Variants in SLC22A24 observed in about 807,000 individuals in gnomAD.
The protein encoded by SLC22A24 is steroid transmembrane transporter SLC22A24.
Under a neutral mutation model 49.8 loss-of-function variants are expected in SLC22A24, and 53 were observed. That is an observed-to-expected ratio of 1.06 (90% CI 0.85 to 1.34). SLC22A24 has a LOEUF of 1.34. Among genes scored for constraint, SLC22A24 ranks in the 40% most tolerant of loss-of-function variants. The probability of loss-of-function intolerance (pLI) is 0.00; values close to 1 mark genes in which losing one functional copy is unlikely to be tolerated. For missense variants in SLC22A24, 786 were observed against 675.9 expected, an observed-to-expected ratio of 1.16 and a Z score of -1.81; for synonymous variants, 302 against 256.4, an observed-to-expected ratio of 1.18 and a Z score of -1.70.
At chr11:63,102,786 A>T (rs1242095920) in intron 5 of SLC22A24, among the ~76,000 whole-genome samples, 2 of 152,094 alleles carry the variant, frequency 1.3e-5, no homozygotes. Context: ...ATGCCTTGAG[A>T]CCTAATCAAG....
intron 1 of SLC22A24, 34 bp from the exon 2 acceptor site, chr11:63,134,802 G>T: frequency 2.1e-6 from 3 of 1,447,148 alleles, no homozygotes; most frequent in South Asian, 2.4e-5. Context: ...AGCAGAGCTT[G>T]AGAAGAGTTT....
rs1279610633 is a variant in SLC22A24 at position 63,123,899 on chromosome 11, C to T, written c.507-4564G>A. 2.0e-5 allele frequency among the ~76,000 whole-genome samples: 3 copies of T among 152,138 alleles called. 1 individual carries two copies. The highest frequency in any genetic ancestry group is 4.1e-4 in the South Asian group (2 of 4,826). ...GCCTTTTAAATGGTCCTTGCTACTA[C>T]TCAGTGGAGGAGTAAGTCTTTAAAA... On this transcript the variant is annotated intron_variant, in intron 2 of 9. Transcript: ENST00000612278.
chr11:63,140,643 C>T (rs1291496877), intron 1 of SLC22A24, among the ~76,000 whole-genome samples: 1 of 152,046 alleles, frequency 6.6e-6, no homozygotes, highest in Non-Finnish European at 1.5e-5. Context: ...GGCTTCACCC[C>T]AGTACATAAT....
chr11:63,141,080 A>G (rs1217431502), intron 1 of SLC22A24, among the ~76,000 whole-genome samples: 4 of 152,226 alleles, frequency 2.6e-5, no homozygotes, highest in African/African-American at 7.2e-5. Context: ...GGGTTTTCTT[A>G]GAAAATTGAT....
intron 4 of SLC22A24, among the ~76,000 whole-genome samples, chr11:63,116,834 T>G (rs2155321): frequency 6.6e-6 from 1 of 152,164 alleles, no homozygotes; most frequent in Admixed American, 6.5e-5. Flanking sequence ...TTTACTGCTT[T>G]TTTTCTGCCT....
chr11:63,118,558 C>G lies in SLC22A24; in HGVS notation c.830+354G>C, dbSNP rs1590742873. The G allele has an allele frequency of 8.3e-6, 4 of 479,216 alleles. No individual in the cohort carries two copies. In the East Asian group the frequency reaches 1.3e-4, roughly 16 times the overall value. The allele number at this position is 479,216 out of a possible 1,614,324, so 29.7% of individuals were successfully genotyped here. ...ATGTAGATAAATTTATTGTGTTTTC[C>G]TTATATTCAATCTCAGTTACAATGA... On this transcript the variant is annotated intron_variant, in intron 4 of 9. Transcript: ENST00000612278.
At chr11:63,097,437 G>C (rs975791181) in intron 5 of SLC22A24, among the ~76,000 whole-genome samples, 1 of 152,190 alleles carries the variant, frequency 6.6e-6, no homozygotes, top group Non-Finnish European at 1.5e-5. Context: ...AGATGCTGGA[G>C]AGGATGTGGA....
intron 4 of SLC22A24, among the ~76,000 whole-genome samples, chr11:63,108,339 T>C (rs2087136478): frequency 6.6e-6 from 1 of 152,332 alleles, no homozygotes; most frequent in Non-Finnish European, 1.5e-5. Context: ...GTTTTGCCAG[T>C]ATTTTATTGA....
chr11:63,125,579 C>T (rs547783634), intron 2 of SLC22A24, among the ~76,000 whole-genome samples: 1 of 152,182 alleles, frequency 6.6e-6, no homozygotes, highest in African/African-American at 2.4e-5. Flanking sequence ...TGGGTTGGTT[C>T]CAAGTATTTG....
intron 2 of SLC22A24, among the ~76,000 whole-genome samples, chr11:63,121,120 C>T (rs1042847050): frequency 6.6e-6 from 1 of 151,996 alleles, no homozygotes; most frequent in Admixed American, 6.6e-5. Flanking sequence ...AAACACTGAG[C>T]CCTAAGATAA....
intron 8 of SLC22A24, 123 bp from the exon 9 acceptor site, chr11:63,081,246 C>G (rs556176797): frequency 6.2e-6 from 5 of 808,708 alleles, no homozygotes; most frequent in Non-Finnish European, 9.7e-6. Flanking sequence ...GCTTTGACAG[C>G]AAGCCCTTAA....
At chr11:63,100,548 G>A (rs765968153) in intron 5 of SLC22A24, among the ~76,000 whole-genome samples, 1 of 151,986 alleles carries the variant, frequency 6.6e-6, no homozygotes, top group Non-Finnish European at 1.5e-5. Flanking sequence ...CACAGAAATA[G>A]AAAAAATAGT....
At chr11:63,117,630 T>C (rs573207140) in intron 4 of SLC22A24, among the ~76,000 whole-genome samples, 1 of 152,360 alleles carries the variant, frequency 6.6e-6, no homozygotes, top group South Asian at 2.1e-4. Flanking sequence ...GATTAAGACC[T>C]GTATGATAAT....
intron 5 of SLC22A24, among the ~76,000 whole-genome samples, chr11:63,098,669 A>G (rs560375408): frequency 6.6e-6 from 1 of 152,028 alleles, no homozygotes; most frequent in South Asian, 2.1e-4. Context: ...TCTCAAAAAA[A>G]CAAACAAGCA....
chr11:63,086,559 T>C (rs2086987990), intron 6 of SLC22A24, among the ~76,000 whole-genome samples: 1 of 152,174 alleles, frequency 6.6e-6, no homozygotes, highest in Non-Finnish European at 1.5e-5. Flanking sequence ...TGAGTTTACC[T>C]ATATAACAAG....
chr11:63,119,694 C>T (rs1457627210), intron 2 of SLC22A24, among the ~76,000 whole-genome samples: 1 of 152,118 alleles, frequency 6.6e-6, no homozygotes, highest in African/African-American at 2.4e-5. Flanking sequence ...GTTTAGAGCA[C>T]TGAGGAGGGA....
At chr11:63,108,425 A>G (rs2087137204) in intron 4 of SLC22A24, among the ~76,000 whole-genome samples, 1 of 152,144 alleles carries the variant, frequency 6.6e-6, no homozygotes, top group African/African-American at 2.4e-5. Context: ...TGGCATTGGT[A>G]TCATGATGTT....
intron 1 of SLC22A24, among the ~76,000 whole-genome samples, chr11:63,135,028 T>C (rs1221057290): frequency 6.6e-6 from 1 of 152,242 alleles, no homozygotes; most frequent in African/African-American, 2.4e-5. Flanking sequence ...TCTACAAGTC[T>C]TTATTCCTTT....
intron 1 of SLC22A24, among the ~76,000 whole-genome samples, chr11:63,140,890 C>T (rs1397074858): frequency 6.6e-6 from 1 of 152,078 alleles, no homozygotes; most frequent in Non-Finnish European, 1.5e-5. Flanking sequence ...GAGAATAAGA[C>T]AAAACTGAAA....
Sources: gnomAD v4.1 joint callset for allele counts (sites outside exome capture counted in the v4.1 genomes callset) on GRCh38, gnomAD v4.1.1 for gene constraint, MANE v1.5 for transcripts, NCBI Gene and HGNC (gene_info 2026-07-23, HGNC 2026-07-21) for gene names.